The following AGRN variants were observed in gnomAD, a reference collection of about 807,000 sequenced individuals.
The protein encoded by AGRN is agrin.
A neutral mutation model predicts 211.0 loss-of-function variants in AGRN; 106 were observed. That is an observed-to-expected ratio of 0.50 (90% CI 0.43 to 0.59). AGRN has a LOEUF of 0.59. Ranked by LOEUF, AGRN falls within the 20% of genes least tolerant of loss-of-function variation. AGRN has a pLI of 0.00. For missense variants in AGRN, 3,040 were observed against 2,982.6 expected, an observed-to-expected ratio of 1.02 and a Z score of -0.45; for synonymous variants, 1,525 against 1,332.5, an observed-to-expected ratio of 1.14 and a Z score of -3.15.
Position 1,043,394 on chromosome 1 carries a change from G to A in AGRN, c.1540G>A (p.Glu514Lys), listed in dbSNP as rs143976046. 1.1e-4 allele frequency: 184 copies of A among 1,608,802 alleles called. No homozygotes were observed. Among genetic ancestry groups the A allele is most frequent in the African/African-American group, 5.1e-4 (38 of 74,890 alleles). Residue 514 changes from glutamate to lysine, a missense_variant, in exon 8 of 36, where the codon GAG becomes AAG. Coordinates refer to ENST00000379370, the MANE Select transcript of AGRN (RefSeq NM_198576.4). ...SDGVTYGSAC[E>K]LEATACTLGR... Reference sequence around the variant, plus strand: ...CGGCGTCACATACGGCAGCGCGTGCGAGCTGGAGGCCACGGCCTGTACCCT... The same window carrying A: ...CGGCGTCACATACGGCAGCGCGTGCAAGCTGGAGGCCACGGCCTGTACCCT...
rs1336244646 is a variant in AGRN, at chr1:1,049,438, G to T, written c.4501G>T (p.Asp1501Tyr). Residue 1501 changes from aspartate (D) to tyrosine (Y), a missense_variant, in exon 25 of 36, where the codon GAC becomes TAC. By Grantham distance (160) the Asp-to-Tyr change is radical. This residue lies in a region of AGRN where 1,537 missense variants were observed against 1,505.0 expected (regional missense o/e 1.02). Transcript: ENST00000379370. ...TDLFVGGVPE[D>Y]QAAVALERTF... is the part of the protein sequence containing the mutation. ...CCTCTTTGTGGGCGGCGTACCCGAG[G>T]ACCAGGCTGCCGTGTGAGTCCCTTG... The T allele has an allele frequency of 6.3e-7, 1 of 1,599,596 alleles. No individual in the cohort carries two copies. Among genetic ancestry groups the T allele is most frequent in the Non-Finnish European group, 8.5e-7 (1 of 1,179,702 alleles).
chr1:1,031,323 T>C lies in AGRN; in HGVS notation c.464-3954T>C, dbSNP rs963868719. On this transcript the variant is annotated intron_variant, in intron 2 of 35. Transcript: ENST00000379370. The surrounding 1 kb of genome is among the most constrained non-coding windows in gnomAD (Gnocchi z 4.8). ...TGTGCGGTGCATGGTGCTGTGAGTG[T>C]GAGATCAGGGACCAGGGGGCTAGTA... 6.6e-6 allele frequency among the ~76,000 whole-genome samples: 1 copy of C among 152,084 alleles called. No individual in the cohort carries two copies. Among genetic ancestry groups the C allele is most frequent in the African/African-American group, 2.4e-5 (1 of 41,392 alleles).
chr1:1,029,232 T>C (rs1263283450), intron 2 of AGRN, among the ~76,000 whole-genome samples: 3 of 152,032 alleles, frequency 2.0e-5, no homozygotes, highest in African/African-American at 7.2e-5. Context: ...TACCTGCGGG[T>C]GCCCAACCAG....
At chr1:1,045,547 G>A (rs777139274) in intron 14 of AGRN, 24 bp downstream of exon 14, 3 of 1,611,112 alleles carry the variant, frequency 1.9e-6, no homozygotes, top group Non-Finnish European at 2.5e-6. Context: ...CCCAGGACTG[G>A]CCACCGGCTA....
In AGRN at chr1:1,040,826, C is replaced by T. The variant is rs1332995696; in HGVS notation, c.673C>T (p.Arg225Trp). The change falls in exon 4 of 36, where the codon CGG (arginine) becomes TGG (tryptophan). Residue 225 changes from arginine to tryptophan, a missense_variant. By Grantham distance (101) the Arg-to-Trp change is moderately radical. Around this residue, in one of 3 missense-constraint regions of AGRN, gnomAD observed 1,498 missense variants for 1,457.8 expected, o/e 1.03. Coordinates refer to ENST00000379370, the MANE Select transcript of AGRN (RefSeq NM_198576.4). ...STYSNECELQRAQCSQQRRIR... is the reference protein window; with the variant it reads ...STYSNECELQWAQCSQQRRIR... ...CTACAGCAACGAATGCGAGCTGCAG[C>T]GGGCGCAGTGCAGCCAGCAGCGCCG... is the stretch of plus-strand genomic sequence containing the variant. 5.9e-6 allele frequency: 9 copies of T among 1,536,312 alleles called. No individual in the cohort carries two copies. Among genetic ancestry groups the T allele is most frequent in the African/African-American group, 1.4e-5 (1 of 72,562 alleles).
In AGRN at chr1:1,041,407, G is replaced by A. The variant is rs1266628782; in HGVS notation, c.952+10G>A. 1 of 1,544,116 alleles carries A rather than the reference G, an allele frequency of 6.5e-7. No individual in the cohort carries two copies. The highest frequency in any genetic ancestry group is 2.4e-5 in the East Asian group (1 of 41,922). On this transcript the variant is annotated intron_variant, in intron 5 of 35. Coordinates refer to ENST00000379370, the MANE Select transcript of AGRN (RefSeq NM_198576.4). The stretch of plus-strand genomic sequence containing the variant: ...TTCGACGGCCCTTGTGGTGAGCGCG[G>A]CGGCGGGCGCACGGCTCGAGCTCTG...
intron 30 of AGRN, 83 bp from the exon 31 acceptor site, chr1:1,051,170 G>C (rs1645275262): frequency 6.6e-7 from 1 of 1,507,968 alleles, no homozygotes; most frequent in South Asian, 1.2e-5. Flanking sequence ...ATGGGCGGGT[G>C]GGGCGGGTGC....
intron 33 of AGRN, 176 bp from the exon 34 acceptor site, chr1:1,053,577 C>T (rs1184492336): frequency 9.2e-6 from 14 of 1,514,112 alleles, no homozygotes; most frequent in Non-Finnish European, 1.2e-5. Flanking sequence ...CTCTGCCAGG[C>T]TGCCCCTGTC....
rs111726760 is a variant in AGRN, at chr1:1,050,619, G to T, written c.5141+28G>T. The T allele has an allele frequency of 1.0e-2, 16,042 of 1,605,470 alleles. 1,111 individuals carry two copies. In the African/African-American group the frequency reaches 0.17, roughly 17 times the overall value. On this transcript the variant is annotated intron_variant, in intron 29 of 35. Coordinates refer to ENST00000379370, the MANE Select transcript of AGRN (RefSeq NM_198576.4). ...GGGCCGGCAAGGGTGGCTCTGGGAGGCCTGGGGCACTGGCCCGGGGCCGGG... is the reference window on the plus strand; with the variant it reads ...GGGCCGGCAAGGGTGGCTCTGGGAGTCCTGGGGCACTGGCCCGGGGCCGGG...
At position 1,045,253 on chromosome 1, in the gene AGRN, G is replaced by T; in HGVS notation, c.2347G>T (p.Gly783Cys). The T allele has an allele frequency of 6.2e-7, 1 of 1,611,744 alleles. No individual in the cohort carries two copies. Among genetic ancestry groups the T allele is most frequent in the South Asian group, 1.1e-5 (1 of 90,980 alleles). ...CCQDNITAAR[G>C]VGLAGCPSAC... ...CCAGGACAATATCACCGCAGCCCGGGGCGTGGGCCTGGCTGGCTGCCCCAG... is the reference window on the plus strand; with the variant it reads ...CCAGGACAATATCACCGCAGCCCGGTGCGTGGGCCTGGCTGGCTGCCCCAG... The change falls in exon 13 of 36, where the codon GGC becomes TGC. Residue 783 changes from glycine to cysteine, a missense_variant. Coordinates refer to ENST00000379370, the MANE Select transcript of AGRN (RefSeq NM_198576.4).
Position 1,046,669 on chromosome 1 carries a change from A to G in AGRN, c.3184A>G (p.Ser1062Gly), listed in dbSNP as rs1645105308. 7 of 1,591,770 alleles carry G rather than the reference A, an allele frequency of 4.4e-6. No individual in the cohort carries two copies. In the South Asian group the frequency reaches 7.8e-5, roughly 18 times the overall value. The stretch of plus-strand genomic sequence containing the variant: ...GGCGTCCGCCTTTGGTGAATCTGGC[A>G]GCACTGATGGAAGCAGCGATGAGGA... ...LVASAFGESG[S>G]TDGSSDEELS... Residue 1062 changes from serine (S) to glycine (G), a missense_variant, in exon 18 of 36, where the codon AGC (serine) becomes GGC (glycine). This residue lies in a region of AGRN where 1,537 missense variants were observed against 1,505.0 expected (regional missense o/e 1.02). Coordinates refer to ENST00000379370, the MANE Select transcript of AGRN (RefSeq NM_198576.4).
At chr1:1,051,909 C>G in intron 33 of AGRN, 94 bp downstream of exon 33, 1 of 1,552,016 alleles carries the variant, frequency 6.4e-7, no homozygotes, top group Non-Finnish European at 8.7e-7. Flanking sequence ...GAGGGGACGG[C>G]CCGGTGCTGC....
At position 1,055,030 on chromosome 1, in the gene AGRN, A is replaced by C; in HGVS notation, c.*49A>C. On this transcript the variant is annotated 3_prime_UTR_variant, in exon 36 of 36. Transcript: ENST00000379370. The stretch of plus-strand genomic sequence containing the variant: ...GCTGTAATTATTTTCTATTTTTGTA[A>C]ACTTGTTGCTTTTTGATATGATTTT... 6.5e-7 allele frequency: 1 copy of C among 1,542,068 alleles called. No homozygotes were observed. The highest frequency in any genetic ancestry group is 8.7e-7 in the Non-Finnish European group (1 of 1,146,302).
chr1:1,047,918 C>T (rs371952583), intron 22 of AGRN, 23 bp downstream of exon 22: 8 of 1,603,734 alleles, frequency 5.0e-6, no homozygotes, highest in Non-Finnish European at 6.8e-6. Context: ...CCACGAGCCA[C>T]AGCTTACCTG....
intron 3 of AGRN, among the ~76,000 whole-genome samples, chr1:1,039,027 G>A (rs1469477857): frequency 1.3e-5 from 2 of 152,252 alleles, no homozygotes; most frequent in Non-Finnish European, 2.9e-5. Context: ...TCTAAGCTTT[G>A]CAGATACTGG....
intron 6 of AGRN, 67 bp downstream of exon 6, chr1:1,041,769 G>T (rs1331034557): frequency 7.3e-7 from 1 of 1,371,914 alleles, no homozygotes; most frequent in East Asian, 2.6e-5. Flanking sequence ...TCCCCCGGGG[G>T]AGGGCTCCGG....
At position 1,050,006 on chromosome 1, in the gene AGRN, C is replaced by A; in HGVS notation, c.4848C>A (p.Pro1616=). 6.2e-7 allele frequency: 1 copy of A among 1,607,690 alleles called. No homozygotes were observed. The highest frequency in any genetic ancestry group is 8.5e-7 in the Non-Finnish European group (1 of 1,178,046). ...LPEGGAQCEC[P]LGREGTFCQT... ...AGGGTGGTGCTCAGTGCGAGTGCCC[C>A]CTGGGGCGTGAGGGCACCTTCTGCC... The change falls in exon 27 of 36, where the codon CCC becomes CCA. Residue 1616 remains proline (P), a synonymous_variant. Coordinates refer to ENST00000379370, the MANE Select transcript of AGRN (RefSeq NM_198576.4).
intron 26 of AGRN, 41 bp downstream of exon 26, chr1:1,049,836 G>T: frequency 6.2e-7 from 1 of 1,610,610 alleles, no homozygotes; most frequent in Non-Finnish European, 8.5e-7. Context: ...GGACCCCGGG[G>T]CCTGTGGGCG....
At chr1:1,038,845 A>G (rs2488995) in intron 3 of AGRN, among the ~76,000 whole-genome samples, 134,153 of 152,118 alleles carry the variant, frequency 0.88, 59,688 homozygotes, top group East Asian at 1. Context: ...GGAGAGGGAG[A>G]TGCTGAGGGG....
Sources: allele counts gnomAD v4.1 joint callset (sites outside exome capture counted in the v4.1 genomes callset), GRCh38; gene constraint gnomAD v4.1.1; regional missense constraint gnomAD v4.1.1; non-coding constraint Gnocchi (gnomAD v3.1); transcripts MANE v1.5; gene names NCBI Gene and HGNC (gene_info 2026-07-23, HGNC 2026-07-21).